The following FOXN3 variants were observed in gnomAD, a reference collection of about 807,000 sequenced individuals.
The protein encoded by FOXN3 is forkhead box protein N3.
Under a neutral mutation model 38.4 loss-of-function variants are expected in FOXN3, and 7 were observed. The observed-to-expected ratio is 0.18, with a 90% CI of 0.10 to 0.34. The LOEUF (loss-of-function observed/expected upper bound fraction) is 0.34, where lower values mean the gene tolerates loss of function less well. Among genes scored for constraint, FOXN3 ranks in the 10% least tolerant of loss-of-function variants. FOXN3 has a pLI of 1.00. For synonymous variants in FOXN3, 230 were observed against 242.2 expected (o/e 0.95, Z 0.47); for missense variants, 456 against 613.4 (o/e 0.74, Z 2.71).
At chr14:89,238,787 T>C (rs1351742023) in intron 4 of FOXN3, among the ~76,000 whole-genome samples, 2 of 152,190 alleles carry the variant, frequency 1.3e-5, no homozygotes, top group East Asian at 1.9e-4. Context: ...ATAATGAATA[T>C]CAATAACAAT....
intron 2 of FOXN3, chr14:89,353,935 T>C (rs758188309): frequency 2.6e-5 from 4 of 152,102 alleles, no homozygotes; most frequent in Non-Finnish European, 5.9e-5. Context: ...TTTCACCATG[T>C]TGGCCAGGCT....
At chr14:89,414,551 GTTT>G (rs748504239) in intron 1 of FOXN3, among the ~76,000 whole-genome samples, 63 of 122,882 alleles carry the variant, frequency 5.1e-4, no homozygotes, top group African/African-American at 1.2e-3. Flanking sequence ...GGCCCAACCG[GTTT>G]TTTTTTTTTT....
At chr14:89,589,135 ATT>A (rs928210809) in intron 1 of FOXN3, among the ~76,000 whole-genome samples, 1 of 151,274 alleles carries the variant, frequency 6.6e-6, no homozygotes, top group African/African-American at 2.4e-5. Context: ...AACTGCAGTC[ATT>A]TTTTTTTCTG....
chr14:89,252,183 C>G (rs1455734977), intron 4 of FOXN3, among the ~76,000 whole-genome samples: 1 of 152,184 alleles, frequency 6.6e-6, no homozygotes, highest in Admixed American at 6.5e-5. Flanking sequence ...AAAGGTTACT[C>G]AGCTAATAAC....
chr14:89,179,362 G>A (rs1887605120), intron 5 of FOXN3, among the ~76,000 whole-genome samples: 2 of 152,144 alleles, frequency 1.3e-5, no homozygotes, highest in Non-Finnish European at 2.9e-5. Context: ...CACGCGGCAG[G>A]GGAGTTTGAC....
intron 1 of FOXN3, among the ~76,000 whole-genome samples, chr14:89,522,890 C>A (rs1238771118): frequency 6.6e-6 from 1 of 151,040 alleles, no homozygotes; most frequent in Admixed American, 6.6e-5. Context: ...TATAAATGGT[C>A]TAAATACCCC....
chr14:89,542,184 G>A (rs985823686), intron 1 of FOXN3, among the ~76,000 whole-genome samples: 1 of 152,152 alleles, frequency 6.6e-6, no homozygotes, highest in Non-Finnish European at 1.5e-5. Context: ...TCTGCTACAA[G>A]GGTTTGCGAT....
At chr14:89,490,141 G>A (rs1322305298) in intron 1 of FOXN3, among the ~76,000 whole-genome samples, 4 of 152,206 alleles carry the variant, frequency 2.6e-5, no homozygotes, top group Non-Finnish European at 4.4e-5. Context: ...CAGGCGCTGG[G>A]AGGCATGTGC....
At chr14:89,297,398 A>T (rs1263859937) in intron 3 of FOXN3, among the ~76,000 whole-genome samples, 3 of 151,972 alleles carry the variant, frequency 2.0e-5, no homozygotes, top group Non-Finnish European at 4.4e-5. Flanking sequence ...CTCTACTAAA[A>T]ATACAAAAAA....
Position 89,180,797 on chromosome 14 carries a change from C to T in FOXN3, c.755G>A (p.Gly252Glu), listed in dbSNP as rs1887647254. 6.2e-7 allele frequency: 1 copy of T among 1,607,440 alleles called. No homozygotes were observed. The change falls in exon 5 of 6, where the codon GGA becomes GAA. Residue 252 changes from glycine (G) to glutamate (E), a missense_variant. Gly to Glu is a moderately conservative substitution (Grantham distance 98). Around this residue, in one of 3 missense-constraint regions of FOXN3, gnomAD observed 386 missense variants for 505.2 expected, o/e 0.76. Transcript: ENST00000557258. ...GACCCGCGCTCCATTTTGGATCACT[C>T]CTGGAGGAACTGAAAAAGCAAAGGG... ...RNGALLQVPPGVIQNGARVLS... is the reference protein window; with the variant it reads ...RNGALLQVPPEVIQNGARVLS...
intron 4 of FOXN3, among the ~76,000 whole-genome samples, chr14:89,279,375 G>GT (rs1383896166): frequency 6.6e-6 from 1 of 152,146 alleles, no homozygotes; most frequent in Admixed American, 6.5e-5. Context: ...TTTCCCTCAT[G>GT]TTTTTGCCCC....
chr14:89,433,336 G>T (rs1301575837), intron 1 of FOXN3, among the ~76,000 whole-genome samples: 1 of 152,140 alleles, frequency 6.6e-6, no homozygotes, highest in Non-Finnish European at 1.5e-5. Context: ...ACAAAAATTA[G>T]TTGGGCGTGG....
intron 1 of FOXN3, among the ~76,000 whole-genome samples, chr14:89,519,040 T>G (rs2139818662): frequency 6.6e-6 from 1 of 152,018 alleles, no homozygotes; most frequent in Middle Eastern, 3.4e-3. Flanking sequence ...GAGAATAAGT[T>G]CTTCCAAGCA....
intron 4 of FOXN3, among the ~76,000 whole-genome samples, chr14:89,191,614 CT>C (rs1232943499): frequency 1.3e-5 from 2 of 151,906 alleles, no homozygotes; most frequent in Admixed American, 6.6e-5. Flanking sequence ...TAGAAAATTA[CT>C]TTTTTAATGT....
intron 1 of FOXN3, among the ~76,000 whole-genome samples, chr14:89,603,957 A>G (rs570400307): frequency 2.6e-5 from 4 of 152,308 alleles, no homozygotes; most frequent in South Asian, 4.1e-4. Flanking sequence ...TGCTAAGTAG[A>G]AAGGGAAAAG....
At chr14:89,267,474 A>G (rs1004354681) in intron 4 of FOXN3, among the ~76,000 whole-genome samples, 3 of 152,156 alleles carry the variant, frequency 2.0e-5, no homozygotes, top group Admixed American at 2.0e-4. Context: ...GGGAGGGGAA[A>G]TGGAAGGACA....
chr14:89,450,433 C>T (rs1276926271), intron 1 of FOXN3, among the ~76,000 whole-genome samples: 1 of 152,150 alleles, frequency 6.6e-6, no homozygotes, highest in African/African-American at 2.4e-5. Context: ...AAATGTGCCT[C>T]CGTAGAATGC....
intron 1 of FOXN3, among the ~76,000 whole-genome samples, chr14:89,425,899 T>C (rs1167743978): frequency 6.6e-6 from 1 of 152,224 alleles, no homozygotes; most frequent in Admixed American, 6.5e-5. Flanking sequence ...TTTTTGAATA[T>C]ATATTGTTGT....
rs908050210 is a variant in FOXN3, at chr14:89,350,527, C to T, written c.680+145G>A. Reference sequence around the variant, plus strand: ...TGTAGGAAATACAACAGTGGATATGCCTCCTAATAATACTTAATTTCTTTC... The same window carrying T: ...TGTAGGAAATACAACAGTGGATATGTCTCCTAATAATACTTAATTTCTTTC... On this transcript the variant is annotated intron_variant, in intron 3 of 5. Coordinates refer to ENST00000557258, the MANE Select transcript of FOXN3 (RefSeq NM_005197.4). 3 of 653,954 alleles carry T rather than the reference C, an allele frequency of 4.6e-6. No homozygotes were observed. In the African/African-American group the frequency reaches 5.7e-5, roughly 12 times the overall value. 40.5% of individuals were successfully genotyped at this position (653,954 alleles called of 1,614,324 possible).
Sources: allele counts gnomAD v4.1 joint callset (sites outside exome capture counted in the v4.1 genomes callset), GRCh38; gene constraint gnomAD v4.1.1; regional missense constraint gnomAD v4.1.1; transcripts MANE v1.5; gene names NCBI Gene and HGNC (gene_info 2026-07-23, HGNC 2026-07-21).